EPB41: variants seen among roughly 807,000 people sequenced by gnomAD.
EPB41 encodes erythrocyte membrane protein band 4.1.
Under a neutral mutation model 108.0 loss-of-function variants are expected in EPB41, and 65 were observed. The ratio of observed to expected loss-of-function variants is 0.60; its 90% confidence interval spans 0.49 to 0.74. The LOEUF is 0.74. EPB41 is among the 30% of genes least tolerant of loss of function. The pLI, the probability that EPB41 is intolerant of heterozygous loss-of-function variation, is 0.00. For missense variants in EPB41, 875 were observed against 1,037.0 expected, an observed-to-expected ratio of 0.84 and a Z score of 2.15; for synonymous variants, 336 against 358.9, an observed-to-expected ratio of 0.94 and a Z score of 0.72.
At chr1:28,960,685 G>T (rs1053726302) in intron 1 of EPB41, among the ~76,000 whole-genome samples, 4 of 151,640 alleles carry the variant, frequency 2.6e-5, no homozygotes, top group African/African-American at 9.7e-5. Context: ...AGCTGAGATT[G>T]TGCCACCGCA....
At chr1:29,101,833 G>C (rs1277548397) in intron 17 of EPB41, among the ~76,000 whole-genome samples, 1 of 152,154 alleles carries the variant, frequency 6.6e-6, no homozygotes, top group Non-Finnish European at 1.5e-5. Context: ...CCAGGAGTTC[G>C]AGGCTGCAGT....
chr1:28,963,541 C>G (rs1336154794), intron 1 of EPB41, among the ~76,000 whole-genome samples: 1 of 152,144 alleles, frequency 6.6e-6, no homozygotes, highest in Non-Finnish European at 1.5e-5. Flanking sequence ...GTAACTCAGC[C>G]TAATTTTATC....
intron 16 of EPB41, chr1:29,072,194 AT>A (rs1055445445): frequency 1.8e-4 from 28 of 152,242 alleles, no homozygotes; most frequent in African/African-American, 6.7e-4. Flanking sequence ...TATAATATAT[AT>A]TTTGTAAATA....
At chr1:29,089,509 G>A (rs888839877) in intron 16 of EPB41, among the ~76,000 whole-genome samples, 11 of 152,218 alleles carry the variant, frequency 7.2e-5, no homozygotes, top group Admixed American at 3.3e-4. Context: ...GAATATGCCA[G>A]TGATGACAGG....
intron 17 of EPB41, among the ~76,000 whole-genome samples, chr1:29,107,429 T>C (rs1667566012): frequency 6.6e-6 from 1 of 152,026 alleles, no homozygotes; most frequent in Non-Finnish European, 1.5e-5. Flanking sequence ...TAATAATGGT[T>C]CCTCCCTCAG....
intron 1 of EPB41, among the ~76,000 whole-genome samples, chr1:28,920,120 T>C (rs980295897): frequency 6.6e-6 from 1 of 152,186 alleles, no homozygotes; most frequent in Non-Finnish European, 1.5e-5. Flanking sequence ...AGATTATCTG[T>C]CTGATGGAAT....
intron 9 of EPB41, among the ~76,000 whole-genome samples, chr1:29,034,474 A>C (rs1162569397): frequency 6.6e-6 from 1 of 152,218 alleles, no homozygotes; most frequent in East Asian, 1.9e-4. Context: ...CTGTCATTTC[A>C]TAGCTGTCAG....
At chr1:28,948,212 G>A (rs930551474) in intron 1 of EPB41, among the ~76,000 whole-genome samples, 1 of 152,050 alleles carries the variant, frequency 6.6e-6, no homozygotes, top group Non-Finnish European at 1.5e-5. Flanking sequence ...TGGCGAGAAT[G>A]GATTATTGAA....
chr1:29,060,613 A>G, intron 15 of EPB41, 129 bp downstream of exon 15: 1 of 769,196 alleles, frequency 1.3e-6, no homozygotes, highest in Non-Finnish European at 2.2e-6. Context: ...CTTTAGGTTT[A>G]AAATGCTTTT....
chr1:28,993,234 A>G (rs960812451), intron 2 of EPB41, 96 bp from the exon 3 acceptor site: 22 of 999,018 alleles, frequency 2.2e-5, no homozygotes, highest in Middle Eastern at 3.1e-4. Flanking sequence ...GTTTTAGTTC[A>G]TGCTTTTATT....
At chr1:28,921,321 T>C (rs2093050857) in intron 1 of EPB41, among the ~76,000 whole-genome samples, 1 of 152,192 alleles carries the variant, frequency 6.6e-6, no homozygotes, top group Non-Finnish European at 1.5e-5. Context: ...CAAGCACATA[T>C]TTTAATTTAC....
upstream of EPB41, among the ~76,000 whole-genome samples, chr1:28,910,698 C>T (rs928218190): frequency 6.6e-6 from 1 of 152,170 alleles, no homozygotes; most frequent in African/African-American, 2.4e-5. Flanking sequence ...TTTGCTTTTG[C>T]TTGGGCTCAG....
chr1:29,009,250 A>G (rs2096461660), intron 4 of EPB41, among the ~76,000 whole-genome samples: 1 of 152,190 alleles, frequency 6.6e-6, no homozygotes, highest in African/African-American at 2.4e-5. Context: ...ATTGAGCATA[A>G]AAGTACCTGT....
chr1:29,015,528 C>T (rs1469733540), intron 5 of EPB41, among the ~76,000 whole-genome samples, 164 bp from the exon 6 acceptor site: 1 of 151,196 alleles, frequency 6.6e-6, no homozygotes, highest in East Asian at 1.9e-4. Flanking sequence ...GATCACGCTT[C>T]ACGCTACGGC....
At chr1:29,039,554 T>TGTA (rs1219362928) in intron 11 of EPB41, 128 bp downstream of exon 11, 22 of 1,227,256 alleles carry the variant, frequency 1.8e-5, no homozygotes, top group Non-Finnish European at 2.4e-5. Context: ...GGCTTACACC[T>TGTA]GTAATCCTAG....
intron 1 of EPB41, among the ~76,000 whole-genome samples, chr1:28,959,699 T>C (rs893318128): frequency 3.9e-5 from 6 of 152,054 alleles, no homozygotes; most frequent in Admixed American, 6.6e-5. Context: ...GAGGTAGAGG[T>C]AGACTTGACA....
chr1:28,987,830 A>T lies in EPB41; in HGVS notation c.393A>T (p.Pro131=). The change falls in exon 2 of 21, where the codon CCA becomes CCT. Residue 131 remains proline (P), a synonymous_variant. Coordinates refer to ENST00000343067, the MANE Select transcript of EPB41 (RefSeq NM_001376013.1). The part of the protein sequence containing the change: ...SLDEEIILKA[P]IAAPEPELKT... Reference sequence around the variant, plus strand: ...ATGAAGAGATCATTTTAAAGGCCCCAATTGCAGCTCCTGAACCGGAACTCA... The same window carrying T: ...ATGAAGAGATCATTTTAAAGGCCCCTATTGCAGCTCCTGAACCGGAACTCA... 1 of 1,614,224 alleles carries T rather than the reference A, an allele frequency of 6.2e-7. No homozygotes were observed.
intron 1 of EPB41, among the ~76,000 whole-genome samples, chr1:28,952,811 G>C (rs1049837736): frequency 6.6e-6 from 1 of 152,024 alleles, no homozygotes; most frequent in East Asian, 1.9e-4. Context: ...AATTTCTTGC[G>C]TAAATTTAGA....
chr1:29,042,037 T>C (rs1641727030), intron 11 of EPB41, among the ~76,000 whole-genome samples: 1 of 152,218 alleles, frequency 6.6e-6, no homozygotes, highest in Non-Finnish European at 1.5e-5. Context: ...CATGCTACTA[T>C]ATTCTGGTTT....
Sources: gnomAD v4.1 joint callset for allele counts (sites outside exome capture counted in the v4.1 genomes callset) on GRCh38, gnomAD v4.1.1 for gene constraint, MANE v1.5 for transcripts, NCBI Gene and HGNC (gene_info 2026-07-23, HGNC 2026-07-21) for gene names.